FTCDNL1: variants seen among roughly 807,000 people sequenced by gnomAD.
FTCDNL1 encodes the protein formiminotransferase N-terminal subdomain-containing protein.
A neutral mutation model predicts 5.9 loss-of-function variants in FTCDNL1; 11 were observed. That is an observed-to-expected ratio of 1.87 (90% confidence interval 1.18 to 3.10). The LOEUF is 3.10. Ranked by LOEUF, FTCDNL1 falls within the 30% of genes most tolerant of loss-of-function variation. The probability of loss-of-function intolerance (pLI) is 0.00; values close to 1 mark genes in which losing one functional copy is unlikely to be tolerated. For missense variants in FTCDNL1, 115 were observed against 65.5 expected (o/e 1.76, Z -2.61); for synonymous variants, 58 against 24.8 (o/e 2.34, Z -3.99).
At chr2:199,802,979 T>C (rs1212103161) in intron 3 of FTCDNL1, among the ~76,000 whole-genome samples, 1 of 151,844 alleles carries the variant, frequency 6.6e-6, no homozygotes, top group African/African-American at 2.4e-5. Flanking sequence ...AGCTCAGGAA[T>C]TCAAGACCAG....
the FTCDNL1 span, among the ~76,000 whole-genome samples, chr2:199,723,755 G>C: frequency 2.0e-5 from 3 of 152,130 alleles, no homozygotes; most frequent in Non-Finnish European, 4.4e-5. Context: ...CGGTGGATAA[G>C]CTTTTTGATG....
intron 4 of FTCDNL1, among the ~76,000 whole-genome samples, chr2:199,813,003 T>A (rs930315296): frequency 6.6e-6 from 1 of 152,184 alleles, no homozygotes; most frequent in Non-Finnish European, 1.5e-5. Flanking sequence ...GGTGAACTGA[T>A]ATGGATGTAA....
chr2:199,742,688 G>T, the FTCDNL1 span, among the ~76,000 whole-genome samples: 1 of 152,090 alleles, frequency 6.6e-6, no homozygotes, highest in Admixed American at 6.5e-5. Flanking sequence ...AGGAAATCAG[G>T]CACATAGAAA....
the FTCDNL1 span, among the ~76,000 whole-genome samples, chr2:199,734,330 T>A: frequency 3.3e-5 from 5 of 152,180 alleles, no homozygotes; most frequent in African/African-American, 1.2e-4. Flanking sequence ...TAGAAGCAAA[T>A]TTAAGGTACC....
chr2:199,742,388 C>G, the FTCDNL1 span, among the ~76,000 whole-genome samples: 22 of 152,280 alleles, frequency 1.4e-4, no homozygotes, highest in Non-Finnish European at 7.4e-5. Context: ...CAAAGTAACT[C>G]TGTTTCTTAG....
chr2:199,743,606 G>A, the FTCDNL1 span, among the ~76,000 whole-genome samples: 32 of 152,138 alleles, frequency 2.1e-4, no homozygotes, highest in Middle Eastern at 3.4e-3. Flanking sequence ...GGCTCTGGGC[G>A]TTTCTCCTGA....
At chr2:199,763,524 C>A (rs190640423) in intron 3 of FTCDNL1, among the ~76,000 whole-genome samples, 153 of 152,310 alleles carry the variant, frequency 1.0e-3, no homozygotes, top group South Asian at 1.5e-3. Flanking sequence ...CAGCTCCCTA[C>A]TCACCTTTCC....
chr2:199,844,209 T>C (rs935797457), intron 3 of FTCDNL1, among the ~76,000 whole-genome samples: 2 of 152,136 alleles, frequency 1.3e-5, no homozygotes, highest in Admixed American at 6.5e-5. Context: ...CATAATGTCA[T>C]GGGGTAGGAA....
chr2:199,776,561 G>A (rs114770532), intron 3 of FTCDNL1, among the ~76,000 whole-genome samples: 5 of 152,218 alleles, frequency 3.3e-5, no homozygotes, highest in Non-Finnish European at 7.4e-5. Flanking sequence ...GGTACCACTC[G>A]GGTCCTCCTC....
At chr2:199,845,971 G>C (rs1343330505) in intron 3 of FTCDNL1, 104 bp downstream of exon 3, 1 of 533,166 alleles carries the variant, frequency 1.9e-6, no homozygotes, top group Admixed American at 3.2e-5. Context: ...ACTTAATAGA[G>C]GGGAGTATTC....
the FTCDNL1 span, among the ~76,000 whole-genome samples, chr2:199,744,964 G>T: frequency 6.6e-6 from 1 of 152,212 alleles, no homozygotes; most frequent in Non-Finnish European, 1.5e-5. Flanking sequence ...TGGAGACTTT[G>T]TGCACGCCTC....
At chr2:199,733,444 A>C in the FTCDNL1 span, among the ~76,000 whole-genome samples, 1 of 152,218 alleles carries the variant, frequency 6.6e-6, no homozygotes, top group African/African-American at 2.4e-5. Context: ...AAGTTAAGTT[A>C]TGGGTATTAG....
the FTCDNL1 span, among the ~76,000 whole-genome samples, chr2:199,752,346 G>T: frequency 6.6e-6 from 1 of 152,186 alleles, no homozygotes; most frequent in Admixed American, 6.5e-5. Context: ...TACACCCTGT[G>T]GTGGTCAATT....
intron 2 of FTCDNL1, 43 bp downstream of exon 2, chr2:199,848,805 C>G: frequency 1.4e-6 from 1 of 695,606 alleles, no homozygotes; most frequent in Non-Finnish European, 2.6e-6. Context: ...ACTAAATTAT[C>G]AAAACACTAT....
the FTCDNL1 span, among the ~76,000 whole-genome samples, chr2:199,675,602 GT>G: frequency 6.6e-6 from 1 of 152,124 alleles, no homozygotes; most frequent in Non-Finnish European, 1.5e-5. Context: ...TCCGGAGCTG[GT>G]ATAATGACTC....
intron 3 of FTCDNL1, among the ~76,000 whole-genome samples, chr2:199,765,535 TATA>T (rs1698476630): frequency 1.3e-5 from 1 of 77,888 alleles, no homozygotes; most frequent in African/African-American, 3.6e-5. Context: ...GTCTTCATTA[TATA>T]TATATATATA....
intron 4 of FTCDNL1, among the ~76,000 whole-genome samples, chr2:199,817,743 CA>C (rs751886241): frequency 0.024 from 2,446 of 102,710 alleles, 39 homozygotes; most frequent in African/African-American, 0.07. Flanking sequence ...GACCCTGTCT[CA>C]AAAAAAAAAA....
At chr2:199,679,962 T>C in the FTCDNL1 span, among the ~76,000 whole-genome samples, 1 of 152,194 alleles carries the variant, frequency 6.6e-6, no homozygotes, top group South Asian at 2.1e-4. Context: ...ATTATTTTAA[T>C]TTAAATATAT....
chr2:199,721,030 G>A, the FTCDNL1 span, among the ~76,000 whole-genome samples: 2 of 152,014 alleles, frequency 1.3e-5, no homozygotes, highest in Non-Finnish European at 2.9e-5. Flanking sequence ...TTTCAGAGTG[G>A]GGCAAGAGAA....
Sources: allele counts gnomAD v4.1 joint callset (sites outside exome capture counted in the v4.1 genomes callset), GRCh38; gene constraint gnomAD v4.1.1; transcripts MANE v1.5; gene names NCBI Gene and HGNC (gene_info 2026-07-23, HGNC 2026-07-21).